Variants in SLC44A1 observed in about 807,000 individuals in gnomAD.
SLC44A1 encodes choline transporter-like protein 1.
SLC44A1 carries 26 observed loss-of-function variants against 79.3 expected under a neutral mutation model. That is an observed-to-expected ratio of 0.33 (90% CI 0.24 to 0.46). The LOEUF is 0.46. Among genes scored for constraint, SLC44A1 ranks in the 20% least tolerant of loss-of-function variants. The pLI is 1.00. For missense variants in SLC44A1, 688 were observed against 798.1 expected, an observed-to-expected ratio of 0.86 and a Z score of 1.66; for synonymous variants, 263 against 286.2, an observed-to-expected ratio of 0.92 and a Z score of 0.82.
At chr9:105,301,658 G>GTA (rs141478663) in intron 2 of SLC44A1, among the ~76,000 whole-genome samples, 79 of 151,536 alleles carry the variant, frequency 5.2e-4, no homozygotes, top group South Asian at 2.3e-3. Context: ...TTTAGTACGT[G>GTA]TATATATATA....
intron 2 of SLC44A1, among the ~76,000 whole-genome samples, chr9:105,308,012 A>T (rs1381522342): frequency 1.3e-5 from 2 of 152,206 alleles, no homozygotes; most frequent in Non-Finnish European, 2.9e-5. Flanking sequence ...ACTAACATGT[A>T]TTGAGACTTG....
chr9:105,286,589 A>G (rs1283272167), intron 1 of SLC44A1, among the ~76,000 whole-genome samples: 1 of 152,216 alleles, frequency 6.6e-6, no homozygotes, highest in East Asian at 1.9e-4. Flanking sequence ...TTGATCTATA[A>G]TCTTTTTCTA....
At chr9:105,353,223 T>A (rs189006856) in intron 5 of SLC44A1, among the ~76,000 whole-genome samples, 210 of 152,288 alleles carry the variant, frequency 1.4e-3, no homozygotes, top group African/African-American at 4.8e-3. Context: ...AGGACTGTTG[T>A]TATTTTGCTC....
Position 105,395,277 on chromosome 9 carries a change from G to GAGTT in SLC44A1, c.*6221_*6222insAGTT. ...CTCTATCGCCAGCTTAGAGTGCAGT[G>GAGTT]GCTCAATCTTAGCTCACTGCAACCT... On this transcript the variant is annotated 3_prime_UTR_variant, in exon 16 of 16. Coordinates refer to ENST00000374720, the MANE Select transcript of SLC44A1 (RefSeq NM_080546.5). 1.3e-6 allele frequency: 1 copy of GAGTT among 777,744 alleles called. No homozygotes were observed. The highest frequency in any genetic ancestry group is 1.6e-6 in the Non-Finnish European group (1 of 640,762). The allele number at this position is 777,744 out of a possible 1,614,324, so 48.2% of individuals were successfully genotyped here.
chr9:105,258,441 C>G (rs748445533), intron 1 of SLC44A1, among the ~76,000 whole-genome samples: 2 of 152,172 alleles, frequency 1.3e-5, no homozygotes, highest in Non-Finnish European at 2.9e-5. Context: ...ATTCTCATAA[C>G]TCTGAGGTGG....
chr9:105,318,927 C>T (rs1826293724), intron 3 of SLC44A1, among the ~76,000 whole-genome samples: 1 of 152,128 alleles, frequency 6.6e-6, no homozygotes, highest in South Asian at 2.1e-4. Context: ...TACAAATGCT[C>T]AATCTGAAGT....
At chr9:105,248,517 TAA>T (rs1829508387) in intron 1 of SLC44A1, among the ~76,000 whole-genome samples, 1 of 152,246 alleles carries the variant, frequency 6.6e-6, no homozygotes, top group South Asian at 2.1e-4. Context: ...TCTAGGATCT[TAA>T]AAGTGTCTAG....
At chr9:105,304,096 G>T (rs907754471) in intron 2 of SLC44A1, among the ~76,000 whole-genome samples, 3 of 152,202 alleles carry the variant, frequency 2.0e-5, no homozygotes, top group African/African-American at 7.2e-5. Flanking sequence ...CTTGGAGAAT[G>T]ATCTGGAATA....
At chr9:105,290,298 G>A (rs1830574046) in intron 1 of SLC44A1, among the ~76,000 whole-genome samples, 1 of 152,084 alleles carries the variant, frequency 6.6e-6, no homozygotes, top group Non-Finnish European at 1.5e-5. Context: ...GTAGAGCTTT[G>A]GTCTATCAGT....
intron 15 of SLC44A1, among the ~76,000 whole-genome samples, chr9:105,425,907 C>T (rs573902234): frequency 4.1e-4 from 62 of 152,268 alleles, no homozygotes; most frequent in South Asian, 2.7e-3. Flanking sequence ...CACTGGGACT[C>T]GTAATCAGCA....
intron 4 of SLC44A1, among the ~76,000 whole-genome samples, chr9:105,339,520 A>G (rs191157828): frequency 1.4e-4 from 22 of 152,320 alleles, no homozygotes; most frequent in Non-Finnish European, 1.3e-4. Flanking sequence ...CGGTAGACCA[A>G]TAAATGGATA....
At chr9:105,382,663 A>G (rs555663530) in intron 13 of SLC44A1, among the ~76,000 whole-genome samples, 2 of 152,344 alleles carry the variant, frequency 1.3e-5, no homozygotes, top group East Asian at 1.9e-4. Context: ...TGATACTTCT[A>G]TGTATATTAA....
At chr9:105,261,301 C>G (rs914023274) in intron 1 of SLC44A1, among the ~76,000 whole-genome samples, 5 of 152,178 alleles carry the variant, frequency 3.3e-5, no homozygotes, top group African/African-American at 1.2e-4. Flanking sequence ...TGAGGGCCTT[C>G]TTTCCCTTCT....
At chr9:105,262,150 T>C (rs1384165035) in intron 1 of SLC44A1, among the ~76,000 whole-genome samples, 1 of 152,156 alleles carries the variant, frequency 6.6e-6, no homozygotes, top group Non-Finnish European at 1.5e-5. Context: ...AATTCCTTGC[T>C]AGATTTTAAA....
intron 3 of SLC44A1, among the ~76,000 whole-genome samples, chr9:105,327,706 TC>T (rs1826623361): frequency 1.3e-5 from 2 of 152,194 alleles, no homozygotes; most frequent in African/African-American, 2.4e-5. Context: ...CCTGCGCTGT[TC>T]CTACCCCCTT....
intron 1 of SLC44A1, among the ~76,000 whole-genome samples, chr9:105,278,338 T>C (rs1013467921): frequency 6.6e-6 from 1 of 152,182 alleles, no homozygotes; most frequent in African/African-American, 2.4e-5. Context: ...AAACTCCGCC[T>C]CCCGGGTTCA....
chr9:105,282,421 A>T (rs796644717), intron 1 of SLC44A1, among the ~76,000 whole-genome samples: 6 of 152,294 alleles, frequency 3.9e-5, no homozygotes, highest in African/African-American at 1.4e-4. Flanking sequence ...TTTGCTGATC[A>T]TGGAATCATT....
intron 13 of SLC44A1, among the ~76,000 whole-genome samples, chr9:105,377,611 A>C (rs561013477): frequency 6.6e-6 from 1 of 151,942 alleles, no homozygotes; most frequent in African/African-American, 2.4e-5. Context: ...AAAAAAAAAA[A>C]AATTAGCCGG....
chr9:105,308,067 G>A (rs1157461195), intron 2 of SLC44A1, among the ~76,000 whole-genome samples: 1 of 152,172 alleles, frequency 6.6e-6, no homozygotes, highest in South Asian at 2.1e-4. Flanking sequence ...TCTCATAACA[G>A]CCTTTGTGGT....
Sources: allele counts gnomAD v4.1 joint callset (sites outside exome capture counted in the v4.1 genomes callset), GRCh38; gene constraint gnomAD v4.1.1; transcripts MANE v1.5; gene names NCBI Gene and HGNC (gene_info 2026-07-23, HGNC 2026-07-21).